SNX19: variants seen among roughly 807,000 people sequenced by gnomAD.
The protein encoded by SNX19 is sorting nexin 19.
A neutral mutation model predicts 85.2 loss-of-function variants in SNX19; 60 were observed. The ratio of observed to expected loss-of-function variants is 0.70; its 90% CI spans 0.57 to 0.87. The LOEUF (loss-of-function observed/expected upper bound fraction) is 0.87, where lower values mean the gene tolerates loss of function less well. Ranked by LOEUF, SNX19 falls within the 40% of genes least tolerant of loss-of-function variation. The pLI is 0.00. For missense variants in SNX19, 1,201 were observed against 1,217.8 expected, an observed-to-expected ratio of 0.99 and a Z score of 0.21; for synonymous variants, 520 against 470.0, an observed-to-expected ratio of 1.11 and a Z score of -1.38.
chr11:130,904,552 G>A (rs1471348233), intron 7 of SNX19, among the ~76,000 whole-genome samples: 1 of 152,160 alleles, frequency 6.6e-6, no homozygotes, highest in Non-Finnish European at 1.5e-5. Flanking sequence ...ATCATCCTGA[G>A]CCTTAGTCCT....
At chr11:130,912,861 T>C (rs1010915956) in intron 1 of SNX19, among the ~76,000 whole-genome samples, 1 of 152,216 alleles carries the variant, frequency 6.6e-6, no homozygotes, top group Non-Finnish European at 1.5e-5. Context: ...TTATGGTTAC[T>C]TCCATCACAT....
At chr11:130,911,484 TA>T in intron 2 of SNX19, 148 bp downstream of exon 2, 1 of 1,487,530 alleles carries the variant, frequency 6.7e-7, no homozygotes, top group South Asian at 1.4e-5. Flanking sequence ...TGTCCAGCAC[TA>T]AACTTCAAAA....
Position 130,903,397 on chromosome 11 carries a change from A to C in SNX19, c.2444-13T>G. 6.2e-7 allele frequency: 1 copy of C among 1,611,740 alleles called. No individual in the cohort carries two copies. The highest frequency in any genetic ancestry group is 2.2e-5 in the East Asian group (1 of 44,854). ...TCTGTCTCTGTTCCTGAGGGATAAA[A>C]TGGCATCAGGAGTAACTCAGAAGAG... On this transcript the variant is annotated splice_polypyrimidine_tract_variant and intron_variant, in intron 7 of 10. Coordinates refer to ENST00000265909, the MANE Select transcript of SNX19 (RefSeq NM_014758.3).
At chr11:130,913,979 T>C (rs960350154) in intron 1 of SNX19, among the ~76,000 whole-genome samples, 25 of 152,326 alleles carry the variant, frequency 1.6e-4, no homozygotes, top group African/African-American at 5.8e-4. Flanking sequence ...AATCTGTATA[T>C]CTGAAAGGCA....
At position 130,869,114 on chromosome 11, in the gene SNX19, G is replaced by C. The variant is rs538146302; in HGVS notation, c.*9308C>G. On this transcript the variant is annotated 3_prime_UTR_variant, in exon 11 of 11. Coordinates refer to ENST00000265909, the MANE Select transcript of SNX19 (RefSeq NM_014758.3). Reference sequence around the variant, plus strand: ...GGGAAACAAGACAATCTGCCTCCAAGGGATTAACAGCCCAGTAGGGAAGAC... The same window carrying C: ...GGGAAACAAGACAATCTGCCTCCAACGGATTAACAGCCCAGTAGGGAAGAC... 6.6e-6 allele frequency: 1 copy of C among 152,346 alleles called. No individual in the cohort carries two copies. Among genetic ancestry groups the C allele is most frequent in the Admixed American group, 6.5e-5 (1 of 15,300 alleles). The allele number at this position is 152,346 out of a possible 1,614,324, so 9.4% of individuals were successfully genotyped here.
At chr11:130,911,267 AAAG>A (rs1946104225) in intron 2 of SNX19, among the ~76,000 whole-genome samples, 1 of 152,076 alleles carries the variant, frequency 6.6e-6, no homozygotes, top group Non-Finnish European at 1.5e-5. Flanking sequence ...GGTGTTAAGG[AAAG>A]AAGGTGGCAA....
At chr11:130,888,848 C>T (rs111528853) in intron 8 of SNX19, among the ~76,000 whole-genome samples, 22 of 152,262 alleles carry the variant, frequency 1.4e-4, no homozygotes, top group East Asian at 1.9e-4. Context: ...AAATAGGTTA[C>T]GTGCTCTATT....
chr11:130,915,575 C>A lies in SNX19; in HGVS notation c.365G>T (p.Ser122Ile). ...TTCTTCCTCAAAGGCTGGCTCCTGG[C>A]TCACGGAACGGTACCAAGATAACAC... is the stretch of plus-strand genomic sequence containing the variant. ...DFVLSWYRSV[S>I]QEPAFEEEME... is the part of the protein sequence containing the mutation. The change falls in exon 1 of 11, where the codon AGC (serine) becomes ATC (isoleucine). Residue 122 changes from serine to isoleucine, a missense_variant. Ser to Ile is a moderately radical substitution (Grantham distance 142). Transcript: ENST00000265909. 3 of 1,614,248 alleles carry A rather than the reference C, an allele frequency of 1.9e-6. No homozygotes were observed. Among genetic ancestry groups the A allele is most frequent in the Non-Finnish European group, 2.5e-6 (3 of 1,180,036 alleles).
intron 8 of SNX19, among the ~76,000 whole-genome samples, chr11:130,883,669 T>C (rs1041876418): frequency 1.4e-4 from 21 of 152,182 alleles, no homozygotes; most frequent in African/African-American, 5.1e-4. Flanking sequence ...CTGCCCACCC[T>C]TCCCCCTGTC....
At position 130,916,413 on chromosome 11, in the gene SNX19, T is replaced by C. The variant is rs7106771; in HGVS notation, c.-474A>G. ...CCTCGGCCCTCTGCCGCCGTAAACC[T>C]GGGCGACTGCGCTCCGCAGCCGGGC... On this transcript the variant is annotated 5_prime_UTR_variant, in exon 1 of 11. Transcript: ENST00000265909. The C allele has an allele frequency of 0.15, 23,857 of 154,392 alleles. 2,105 individuals are homozygous for C. The highest frequency in any genetic ancestry group is 0.26 in the Middle Eastern group (75 of 294). 9.6% of individuals were successfully genotyped at this position (154,392 alleles called of 1,614,324 possible). A position where few individuals can be genotyped will look rare whatever the true frequency, so the allele number is the denominator to read the frequency against.
chr11:130,910,267 G>C lies in SNX19; in HGVS notation c.1914+3C>G. ...AACAAGGCCAAAAGAGAAGGATGCT[G>C]ACCTTTAGGAATGATTCTAGGAGGC... is the stretch of plus-strand genomic sequence containing the variant. On this transcript the variant is annotated splice_donor_region_variant and intron_variant, in intron 3 of 10. Transcript: ENST00000265909. The C allele has an allele frequency of 6.2e-7, 1 of 1,613,188 alleles. No homozygotes were observed. Among genetic ancestry groups the C allele is most frequent in the Non-Finnish European group, 8.5e-7 (1 of 1,179,652 alleles).
At position 130,875,447 on chromosome 11, in the gene SNX19, C is replaced by G. The variant is rs1364429787; in HGVS notation, c.*2975G>C. On this transcript the variant is annotated 3_prime_UTR_variant, in exon 11 of 11. Coordinates refer to ENST00000265909, the MANE Select transcript of SNX19 (RefSeq NM_014758.3). ...TCTGCTACAAAGCACTGTGCTGCTT[C>G]TAGTTAATAATGTACCGTCTCAAAA... The G allele has an allele frequency of 6.6e-6, 1 of 152,158 alleles. No homozygotes were observed. Among genetic ancestry groups the G allele is most frequent in the Non-Finnish European group, 1.5e-5 (1 of 68,048 alleles). 9.4% of individuals were successfully genotyped at this position (152,158 alleles called of 1,614,324 possible).
At chr11:130,892,682 A>AG (rs1944578728) in intron 8 of SNX19, 1 of 152,218 alleles carries the variant, frequency 6.6e-6, no homozygotes, top group South Asian at 2.1e-4. Context: ...ACGAGGCCTC[A>AG]GGGGGTTTTG....
At position 130,874,154 on chromosome 11, in the gene SNX19, G is replaced by A. The variant is rs1277432587; in HGVS notation, c.*4268C>T. Among the ~76,000 whole-genome samples, 1 of 151,824 alleles carries A rather than the reference G, an allele frequency of 6.6e-6. No individual in the cohort carries two copies. The highest frequency in any genetic ancestry group is 1.5e-5 in the Non-Finnish European group (1 of 67,954). On this transcript the variant is annotated 3_prime_UTR_variant, in exon 11 of 11. Transcript: ENST00000265909. ...CCTCCTGCCTCAGCCTCCCTAGTAG[G>A]TGGAACCACAGGCGAGAGCCACCAT...
intron 8 of SNX19, among the ~76,000 whole-genome samples, chr11:130,888,771 A>C (rs907213135): frequency 6.6e-6 from 1 of 152,224 alleles, no homozygotes; most frequent in African/African-American, 2.4e-5. Flanking sequence ...TGTTAAATAT[A>C]AATTTGTTAA....
At chr11:130,894,022 C>A in intron 8 of SNX19, 1 of 572,274 alleles carries the variant, frequency 1.7e-6, no homozygotes. Flanking sequence ...GAGAGCCAAA[C>A]GGTCTCCATC....
Position 130,893,595 on chromosome 11 carries a change from G to A in SNX19, c.2573+9660C>T, listed in dbSNP as rs59178208. 5.0e-3 allele frequency among the ~76,000 whole-genome samples: 760 copies of A among 152,198 alleles called. 10 individuals carry two copies. Among genetic ancestry groups the A allele is most frequent in the African/African-American group, 0.017 (725 of 41,534 alleles). On this transcript the variant is annotated intron_variant, in intron 8 of 10. Transcript: ENST00000265909. ...TTCCAAGTAGAAGGCCATCTATCCC[G>A]TTATGAAGGACGTAGGGACACCGAA...
At chr11:130,909,883 A>C in intron 4 of SNX19, 135 bp downstream of exon 4, 3 of 1,151,342 alleles carry the variant, frequency 2.6e-6, no homozygotes, top group Admixed American at 4.6e-5. Flanking sequence ...ATTTAAGTCC[A>C]TGTTCTATTG....
At position 130,872,348 on chromosome 11, in the gene SNX19, C is replaced by T. The variant is rs1373753377; in HGVS notation, c.*6074G>A. Among the ~76,000 whole-genome samples, 1 of 152,104 alleles carries T rather than the reference C, an allele frequency of 6.6e-6. No homozygotes were observed. Among genetic ancestry groups the T allele is most frequent in the African/African-American group, 2.4e-5 (1 of 41,410 alleles). ...TGCCCAAATTTCCCCCACCGCTTCA[C>T]GGTGGCCTTGGCTTTACACACTGTT... On this transcript the variant is annotated 3_prime_UTR_variant, in exon 11 of 11. Transcript: ENST00000265909.
Sources: gnomAD v4.1 joint callset for allele counts (sites outside exome capture counted in the v4.1 genomes callset) on GRCh38, gnomAD v4.1.1 for gene constraint, MANE v1.5 for transcripts, NCBI Gene and HGNC (gene_info 2026-07-23, HGNC 2026-07-21) for gene names.